Variants in DNAJC6 observed in about 807,000 individuals in gnomAD.
DNAJC6 encodes DnaJ heat shock protein family (Hsp40) member C6.
In DNAJC6, 34 loss-of-function variants were observed where a neutral mutation model predicts 110.0. The ratio of observed to expected loss-of-function variants is 0.31; its 90% CI spans 0.24 to 0.41. DNAJC6 has a LOEUF of 0.41. Ranked by LOEUF, DNAJC6 falls within the 10% of genes least tolerant of loss-of-function variation. The probability of loss-of-function intolerance (pLI) is 1.00; values close to 1 mark genes in which losing one functional copy is unlikely to be tolerated. For synonymous variants in DNAJC6, 406 were observed against 437.2 expected (o/e 0.93, Z 0.89); for missense variants, 1,031 against 1,207.8 (o/e 0.85, Z 2.17).
intron 1 of DNAJC6, among the ~76,000 whole-genome samples, chr1:65,355,455 C>T (rs1645534331): frequency 2.0e-5 from 3 of 152,050 alleles, no homozygotes; most frequent in Admixed American, 2.0e-4. Flanking sequence ...CTCTGCCTGC[C>T]AGTGCTTAGC....
In DNAJC6 at chr1:65,406,110, G is replaced by T; in HGVS notation, c.2468G>T (p.Arg823Leu). The T allele has an allele frequency of 6.2e-7, 1 of 1,614,092 alleles. No individual in the cohort carries two copies. The highest frequency in any genetic ancestry group is 8.5e-7 in the Non-Finnish European group (1 of 1,179,980). ...GCCATGCCTGGGGGCCAGAACGAAC[G>T]TGGGAAAGGATCAAGTAATTTGGGT... ...FSAMPGGQNE[R>L]GKGSSNLEGK... The change falls in exon 16 of 19, where the codon CGT (arginine) becomes CTT (leucine). Residue 823 changes from arginine to leucine, a missense_variant. By Grantham distance (102) the Arg-to-Leu change is moderately radical. Coordinates refer to ENST00000371069, the MANE Select transcript of DNAJC6 (RefSeq NM_001256864.2).
intron 1 of DNAJC6, among the ~76,000 whole-genome samples, chr1:65,362,688 G>A (rs1378119165): frequency 6.6e-6 from 1 of 152,146 alleles, no homozygotes; most frequent in Non-Finnish European, 1.5e-5. Context: ...ACACAGCTAG[G>A]GGTAGCAAAG....
intron 8 of DNAJC6, 96 bp from the exon 9 acceptor site, chr1:65,388,240 A>G: frequency 9.7e-7 from 1 of 1,031,702 alleles, no homozygotes; most frequent in Non-Finnish European, 1.5e-6. Flanking sequence ...CAGATATTGA[A>G]ACAGTTGAAG....
chr1:65,353,224 C>A (rs1645508766), intron 1 of DNAJC6, among the ~76,000 whole-genome samples: 1 of 152,146 alleles, frequency 6.6e-6, no homozygotes. Context: ...AGTTGAGGTT[C>A]CATGTGGTGC....
At chr1:65,404,690 T>C (rs1279281728) in intron 15 of DNAJC6, among the ~76,000 whole-genome samples, 1 of 152,130 alleles carries the variant, frequency 6.6e-6, no homozygotes, top group Non-Finnish European at 1.5e-5. Flanking sequence ...AGGGAAAGTA[T>C]CTATAGAAAG....
At chr1:65,326,931 C>A (rs180971613) in intron 1 of DNAJC6, among the ~76,000 whole-genome samples, 1 of 152,120 alleles carries the variant, frequency 6.6e-6, no homozygotes, top group Non-Finnish European at 1.5e-5. Flanking sequence ...ATGTGAGGAA[C>A]CTGTCTTATG....
In DNAJC6 at chr1:65,406,016, C is replaced by T. The variant is rs780904251; in HGVS notation, c.2374C>T (p.Pro792Ser). Residue 792 changes from proline to serine, a missense_variant, in exon 16 of 19, where the codon CCT (proline) becomes TCT (serine). Pro to Ser is a moderately conservative substitution (Grantham distance 74, BLOSUM62 -1). Coordinates refer to ENST00000371069, the MANE Select transcript of DNAJC6 (RefSeq NM_001256864.2). ...TGCCTACAACTGGCAGCAGCCACAG[C>T]CTAAGCCTCAGCCCAGCATGCCCCA... ...GGAYNWQQPQ[P>S]KPQPSMPHSS... 1 of 1,614,180 alleles carries T rather than the reference C, an allele frequency of 6.2e-7. No homozygotes were observed. Among genetic ancestry groups the T allele is most frequent in the South Asian group, 1.1e-5 (1 of 91,082 alleles).
At chr1:65,295,617 G>T (rs911744300) in intron 1 of DNAJC6, among the ~76,000 whole-genome samples, 45 of 152,284 alleles carry the variant, frequency 3.0e-4, no homozygotes, top group African/African-American at 1.1e-3. Context: ...CAGTAGGGTA[G>T]TACCTCAATG....
At chr1:65,355,275 A>G (rs1350930266) in intron 1 of DNAJC6, among the ~76,000 whole-genome samples, 1 of 151,856 alleles carries the variant, frequency 6.6e-6, no homozygotes, top group Non-Finnish European at 1.5e-5. Context: ...AAAAAAAAAA[A>G]AAAAAAAAAA....
chr1:65,398,034 C>T (rs1417520412), intron 13 of DNAJC6, among the ~76,000 whole-genome samples: 1 of 152,090 alleles, frequency 6.6e-6, no homozygotes, highest in African/African-American at 2.4e-5. Flanking sequence ...GAAAGAAATT[C>T]TTCATCATGG....
chr1:65,279,433 CAG>C (rs1467365228), intron 1 of DNAJC6: 2 of 152,114 alleles, frequency 1.3e-5, no homozygotes, highest in Admixed American at 6.6e-5. Context: ...CTACTGAAAA[CAG>C]AGTGAAGACT....
chr1:65,275,006 C>T (rs908309176), intron 1 of DNAJC6, among the ~76,000 whole-genome samples: 4 of 152,170 alleles, frequency 2.6e-5, no homozygotes, highest in Admixed American at 2.6e-4. Context: ...AAGACTTTAA[C>T]TCCATTTACC....
At chr1:65,334,219 A>C (rs1190874661) in intron 1 of DNAJC6, among the ~76,000 whole-genome samples, 1 of 152,260 alleles carries the variant, frequency 6.6e-6, no homozygotes, top group Non-Finnish European at 1.5e-5. Flanking sequence ...GTAGGAGAAC[A>C]TGGGTTACAA....
At chr1:65,341,844 T>C (rs1645392363) in intron 1 of DNAJC6, among the ~76,000 whole-genome samples, 1 of 152,136 alleles carries the variant, frequency 6.6e-6, no homozygotes, top group Admixed American at 6.6e-5. Context: ...AAAGAGCATC[T>C]TGAGCCACTG....
intron 14 of DNAJC6, among the ~76,000 whole-genome samples, chr1:65,401,493 A>T (rs1180392256): frequency 6.6e-6 from 1 of 152,020 alleles, no homozygotes. Context: ...AAGTCAGGTG[A>T]CATGAGGACC....
At chr1:65,289,698 T>C (rs1654134829) in intron 1 of DNAJC6, among the ~76,000 whole-genome samples, 1 of 152,226 alleles carries the variant, frequency 6.6e-6, no homozygotes, top group Non-Finnish European at 1.5e-5. Context: ...ATATGTATTG[T>C]TTAAGCTATC....
intron 4 of DNAJC6, among the ~76,000 whole-genome samples, chr1:65,378,858 T>C (rs1645791512): frequency 6.6e-6 from 1 of 152,194 alleles, no homozygotes; most frequent in Non-Finnish European, 1.5e-5. Flanking sequence ...TGATGATCCA[T>C]AATGTGTGAA....
chr1:65,306,972 TTCTCTCTCTC>T (rs144458447), upstream of DNAJC6, among the ~76,000 whole-genome samples: 2,667 of 90,188 alleles, frequency 0.03, 75 homozygotes, highest in African/African-American at 0.067. Context: ...CTCAATCTGT[TTCTCTCTCTC>T]TCTCTCTCTC....
At chr1:65,284,682 TC>T (rs1234280575) in intron 1 of DNAJC6, among the ~76,000 whole-genome samples, 1 of 151,522 alleles carries the variant, frequency 6.6e-6, no homozygotes, top group African/African-American at 2.4e-5. Context: ...TGTTCTGGAC[TC>T]ACTGTTTTTT....
Sources: gnomAD v4.1 joint callset for allele counts (sites outside exome capture counted in the v4.1 genomes callset) on GRCh38, gnomAD v4.1.1 for gene constraint, MANE v1.5 for transcripts, NCBI Gene and HGNC (gene_info 2026-07-23, HGNC 2026-07-21) for gene names.